The following GALNT2 variants were observed in gnomAD, a reference collection of about 807,000 sequenced individuals.
GALNT2 encodes polypeptide N-acetylgalactosaminyltransferase 2, also known as UDP-GalNAc:polypeptide N-acetylgalactosaminyltransferase 2.
In GALNT2, 31 loss-of-function variants were observed where a neutral mutation model predicts 81.4. That is an observed-to-expected ratio of 0.38 (90% CI 0.29 to 0.51). The LOEUF (loss-of-function observed/expected upper bound fraction) is 0.51. GALNT2 is among the 20% of genes least tolerant of loss of function. The pLI is 0.87. For synonymous variants in GALNT2, 303 were observed against 287.4 expected, an observed-to-expected ratio of 1.05 and a Z score of -0.55; for missense variants, 629 against 765.7, an observed-to-expected ratio of 0.82 and a Z score of 2.11.
chr1:230,078,077 G>A (rs1011598470), intron 1 of GALNT2, among the ~76,000 whole-genome samples: 13 of 152,198 alleles, frequency 8.5e-5, no homozygotes, highest in Non-Finnish European at 1.5e-4. Flanking sequence ...CATTCCAGTC[G>A]GGGGTGGTGG....
intron 1 of GALNT2, among the ~76,000 whole-genome samples, chr1:230,075,683 T>TG (rs1359383386): frequency 3.9e-5 from 6 of 152,248 alleles, no homozygotes; most frequent in East Asian, 1.9e-4. Context: ...TTCATTCTAG[T>TG]GGGGGGCTGC....
rs575693647 is a variant in GALNT2 at position 230,254,320 on chromosome 1, T to C, written c.1010-898T>C. ...AGGGCAGTCTGTGTGTTTAAGTAGG[T>C]GTGGGTAGTGCCTAGACCTACACAT... On this transcript the variant is annotated intron_variant, in intron 10 of 15. Transcript: ENST00000366672. 5.3e-5 allele frequency among the ~76,000 whole-genome samples: 8 copies of C among 152,036 alleles called. No homozygotes were observed. The East Asian group carries it at 1.2e-3, about 22-fold the overall frequency.
chr1:230,235,302 GA>G (rs1289391032), intron 3 of GALNT2, among the ~76,000 whole-genome samples: 3 of 148,644 alleles, frequency 2.0e-5, no homozygotes, highest in Non-Finnish European at 3.0e-5. Context: ...GTGCCATGTT[GA>G]AATCTGCACC....
At chr1:230,197,441 G>C (rs76048791) in intron 2 of GALNT2, among the ~76,000 whole-genome samples, 18,505 of 152,242 alleles carry the variant, frequency 0.12, 1,159 homozygotes, top group Middle Eastern at 0.19. Flanking sequence ...CCCGGGGTCA[G>C]TTGCAGAGTG....
chr1:230,115,886 T>G (rs1025502830), intron 1 of GALNT2, among the ~76,000 whole-genome samples: 1 of 152,246 alleles, frequency 6.6e-6, no homozygotes, highest in Admixed American at 6.5e-5. Context: ...AGATTCCATC[T>G]CAGGAAACCA....
intron 6 of GALNT2, 76 bp downstream of exon 6, chr1:230,236,801 G>A: frequency 1.4e-6 from 2 of 1,401,032 alleles, no homozygotes; most frequent in South Asian, 1.3e-5. Context: ...AAGTGCTTTA[G>A]CTCAAAGAGC....
chr1:230,145,897 G>A (rs1661901151), intron 1 of GALNT2, among the ~76,000 whole-genome samples: 1 of 152,248 alleles, frequency 6.6e-6, no homozygotes, highest in Admixed American at 6.5e-5. Flanking sequence ...TGGGAAGTGT[G>A]CCTTTCAAAG....
At chr1:230,239,599 G>A (rs776457135) in intron 6 of GALNT2, among the ~76,000 whole-genome samples, 4 of 152,176 alleles carry the variant, frequency 2.6e-5, no homozygotes, top group Middle Eastern at 3.2e-3. Flanking sequence ...TATTCTGGCC[G>A]TGCTGGCAGC....
intron 1 of GALNT2, among the ~76,000 whole-genome samples, chr1:230,127,118 T>G (rs1661209222): frequency 6.6e-6 from 1 of 152,180 alleles, no homozygotes; most frequent in African/African-American, 2.4e-5. Flanking sequence ...CTCCCATTGC[T>G]GCCTGAGGCA....
intron 1 of GALNT2, among the ~76,000 whole-genome samples, chr1:230,093,542 G>C (rs1393892101): frequency 6.6e-6 from 1 of 152,224 alleles, no homozygotes; most frequent in Non-Finnish European, 1.5e-5. Flanking sequence ...ACTCCTGGGA[G>C]GCAGCACAGA....
intron 2 of GALNT2, among the ~76,000 whole-genome samples, chr1:230,201,646 G>T (rs931350932): frequency 1.3e-5 from 2 of 152,166 alleles, no homozygotes; most frequent in Non-Finnish European, 2.9e-5. Flanking sequence ...CCCCCTTGCT[G>T]CCCTGTTTCG....
Position 230,124,217 on chromosome 1 carries a change from T to C in GALNT2, c.127-54001T>C, listed in dbSNP as rs1661105802. 1.3e-5 allele frequency among the ~76,000 whole-genome samples: 2 copies of C among 152,244 alleles called. 1 individual carries two copies. Among genetic ancestry groups the C allele is most frequent in the South Asian group, 4.1e-4 (2 of 4,836 alleles). ...TAAGTGCAAGTACTGATAGGTACTTTCTGGGGGTTAATTTTATTATTTTCT... is the reference window on the plus strand; with the variant it reads ...TAAGTGCAAGTACTGATAGGTACTTCCTGGGGGTTAATTTTATTATTTTCT... On this transcript the variant is annotated intron_variant, in intron 1 of 15. Transcript: ENST00000366672.
In GALNT2 at chr1:230,272,973, T is replaced by C. The variant is rs141568599; in HGVS notation, c.1441-1472T>C. On this transcript the variant is annotated intron_variant, in intron 14 of 15. Coordinates refer to ENST00000366672, the MANE Select transcript of GALNT2 (RefSeq NM_004481.5). ...TTTTAGTACAAACAAGGTCTCGCTA[T>C]GTTGCCTAGGCTGATCTTGAACTCC... Among the ~76,000 whole-genome samples the C allele has an allele frequency of 9.2e-5, 14 of 152,262 alleles. No individual in the cohort carries two copies. In the East Asian group the frequency reaches 1.9e-3, roughly 21 times the overall value.
intron 1 of GALNT2, among the ~76,000 whole-genome samples, chr1:230,136,429 C>G (rs973293870): frequency 6.6e-6 from 1 of 152,158 alleles, no homozygotes. Flanking sequence ...CTTTAGACAT[C>G]GAACCTAATG....
intron 1 of GALNT2, among the ~76,000 whole-genome samples, chr1:230,154,748 T>G (rs1662195009): frequency 6.6e-6 from 1 of 152,084 alleles, no homozygotes. Flanking sequence ...CCCATGGCCC[T>G]CGGAAGGAAC....
intron 15 of GALNT2, among the ~76,000 whole-genome samples, chr1:230,274,954 CATAT>C (rs952106880): frequency 6.9e-6 from 1 of 145,346 alleles, no homozygotes; most frequent in Non-Finnish European, 1.5e-5. Context: ...TATATACACA[CATAT>C]ATACACACCA....
intron 14 of GALNT2, among the ~76,000 whole-genome samples, chr1:230,272,563 A>C (rs755195649): frequency 1.6e-4 from 25 of 152,252 alleles, no homozygotes; most frequent in Non-Finnish European, 3.5e-4. Context: ...GGAAGTGAGC[A>C]GGCTTGCCCA....
chr1:230,181,852 T>C (rs1663171284), intron 2 of GALNT2, among the ~76,000 whole-genome samples: 1 of 152,236 alleles, frequency 6.6e-6, no homozygotes. Context: ...AATTCATCAG[T>C]GAACACACCT....
In GALNT2 at chr1:230,243,705, T is replaced by C. The variant is rs114886345; in HGVS notation, c.729+278T>C. 5.3e-5 allele frequency among the ~76,000 whole-genome samples: 8 copies of C among 152,344 alleles called. No homozygotes were observed. Among genetic ancestry groups the C allele is most frequent in the African/African-American group, 1.9e-4 (8 of 41,586 alleles). ...CAGAGGCTGGTGAGAGCCTGATTAG[T>C]TGAAGGCAGCCCTTTTCATGGGAGC... On this transcript the variant is annotated intron_variant, in intron 7 of 15. Coordinates refer to ENST00000366672, the MANE Select transcript of GALNT2 (RefSeq NM_004481.5). The surrounding 1 kb of genome is among the most constrained non-coding windows in gnomAD (Gnocchi z 4.2).
Sources: gnomAD v4.1 joint callset for allele counts (sites outside exome capture counted in the v4.1 genomes callset) on GRCh38, gnomAD v4.1.1 for gene constraint, Gnocchi (gnomAD v3.1) non-coding constraint, MANE v1.5 for transcripts, NCBI Gene and HGNC (gene_info 2026-07-23, HGNC 2026-07-21) for gene names.